The following BTG2 variants were observed in gnomAD, a reference collection of about 807,000 sequenced individuals.
The protein encoded by BTG2 is protein BTG2.
In BTG2, 9 loss-of-function variants were observed where a neutral mutation model predicts 13.1. That is an observed-to-expected ratio of 0.69 (90% CI 0.41 to 1.20). The LOEUF (loss-of-function observed/expected upper bound fraction) is 1.20. Ranked by LOEUF, BTG2 falls within the 50% of genes most tolerant of loss-of-function variation. The pLI, the probability that BTG2 is intolerant of heterozygous loss-of-function variation, is 0.00. For synonymous variants in BTG2, 92 were observed against 88.6 expected (o/e 1.04, Z -0.21); for missense variants, 200 against 209.5 (o/e 0.95, Z 0.28).
chr1:203,306,848 T>TCACA (rs56272333), intron 1 of BTG2, among the ~76,000 whole-genome samples: 2,644 of 131,450 alleles, frequency 0.02, 43 homozygotes, highest in African/African-American at 0.066. Flanking sequence ...ACACACTCAG[T>TCACA]CACACACACA....
chr1:203,305,939 C>G (rs1658251144), intron 1 of BTG2, among the ~76,000 whole-genome samples, 191 bp downstream of exon 1: 1 of 152,180 alleles, frequency 6.6e-6, no homozygotes, highest in African/African-American at 2.4e-5. Flanking sequence ...GTGCTCGGGT[C>G]TCGGCCGTGG....
Position 203,305,524 on chromosome 1 carries a change from C to A in BTG2, c.-83C>A. The A allele has an allele frequency of 6.7e-7, 1 of 1,483,276 alleles. No homozygotes were observed. Among genetic ancestry groups the A allele is most frequent in the South Asian group, 1.3e-5 (1 of 76,904 alleles). The allele number at this position is 1,483,276 out of a possible 1,614,324, so 91.9% of individuals were successfully genotyped here. A position where few individuals can be genotyped will look rare whatever the true frequency, so the allele number is the denominator to read the frequency against. Reference sequence around the variant, plus strand: ...TGCCCGGGGAAAGTCCGGGCAGAGCCCGAGCAGCGGCCAGGGTAACGCTGT... The same window carrying A: ...TGCCCGGGGAAAGTCCGGGCAGAGCACGAGCAGCGGCCAGGGTAACGCTGT... On this transcript the variant is annotated 5_prime_UTR_variant, in exon 1 of 2. Coordinates refer to ENST00000290551, the MANE Select transcript of BTG2 (RefSeq NM_006763.3).
Position 203,307,966 on chromosome 1 carries a change from A to G in BTG2, c.*528A>G, listed in dbSNP as rs1414087234. 1 of 152,642 alleles carries G rather than the reference A, an allele frequency of 6.6e-6. No homozygotes were observed. The highest frequency in any genetic ancestry group is 6.5e-5 in the Admixed American group (1 of 15,276). 9.5% of individuals were successfully genotyped at this position (152,642 alleles called of 1,614,324 possible). On this transcript the variant is annotated 3_prime_UTR_variant, in exon 2 of 2. Transcript: ENST00000290551. ...TGTTATCTTTTCTTTTATTTTTCTAATGAGGTCCTGGGCAGAGAGTGAAAA... is the reference window on the plus strand; with the variant it reads ...TGTTATCTTTTCTTTTATTTTTCTAGTGAGGTCCTGGGCAGAGAGTGAAAA...
In BTG2 at chr1:203,307,098, C is replaced by A; in HGVS notation, c.143-6C>A. 6.2e-7 allele frequency: 1 copy of A among 1,613,032 alleles called. No homozygotes were observed. The highest frequency in any genetic ancestry group is 8.5e-7 in the Non-Finnish European group (1 of 1,179,262). ...AGGGCATCTGCCCCTGGTCCTGTCTCCACAGAGCACTACAAACACCACTGG... is the reference window on the plus strand; with the variant it reads ...AGGGCATCTGCCCCTGGTCCTGTCTACACAGAGCACTACAAACACCACTGG... On this transcript the variant is annotated splice_region_variant and splice_polypyrimidine_tract_variant and intron_variant, in intron 1 of 1. Transcript: ENST00000290551.
chr1:203,307,076 G>A (rs759818691), intron 1 of BTG2, 28 bp from the exon 2 acceptor site: 3 of 1,597,578 alleles, frequency 1.9e-6, no homozygotes, highest in Non-Finnish European at 2.6e-6. Context: ...TCTAACCAGG[G>A]CATCTGCCCC....
rs1196394152 is a variant in BTG2 at position 203,309,030 on chromosome 1, C to G, written c.*1592C>G. 1 of 152,720 alleles carries G rather than the reference C, an allele frequency of 6.5e-6. No homozygotes were observed. The highest frequency in any genetic ancestry group is 1.5e-5 in the Non-Finnish European group (1 of 68,104). 9.5% of individuals were successfully genotyped at this position (152,720 alleles called of 1,614,324 possible). ...GAATCTTCACCCCACTTCCTCTACC[C>G]CCAGGTTCTCCTCCCCACAGCCAGT... On this transcript the variant is annotated 3_prime_UTR_variant, in exon 2 of 2. Transcript: ENST00000290551.
In BTG2 at chr1:203,308,937, C is replaced by G. The variant is rs1407016424; in HGVS notation, c.*1499C>G. The stretch of plus-strand genomic sequence containing the variant: ...ACCTCGAGTTTCCCAAACCGAATCA[C>G]CTTAAGAAGGACAGGGCTAGGGCAT... On this transcript the variant is annotated 3_prime_UTR_variant, in exon 2 of 2. Coordinates refer to ENST00000290551, the MANE Select transcript of BTG2 (RefSeq NM_006763.3). 6.6e-6 allele frequency: 1 copy of G among 152,668 alleles called. No homozygotes were observed. Among genetic ancestry groups the G allele is most frequent in the East Asian group, 1.9e-4 (1 of 5,198 alleles). 9.5% of individuals were successfully genotyped at this position (152,668 alleles called of 1,614,324 possible).
At position 203,307,143 on chromosome 1, in the gene BTG2, A is replaced by G. The variant is rs1467179062; in HGVS notation, c.182A>G (p.Lys61Arg). 3 of 1,614,084 alleles carry G rather than the reference A, an allele frequency of 1.9e-6. No homozygotes were observed. Among genetic ancestry groups the G allele is most frequent in the Non-Finnish European group, 1.7e-6 (2 of 1,180,032 alleles). Residue 61 changes from lysine (K) to arginine (R), a missense_variant, in exon 2 of 2, where the codon AAG (lysine) becomes AGG (arginine). By Grantham distance (26) the Lys-to-Arg change is conservative. Transcript: ENST00000290551. ...KHHWFPEKPS[K>R]GSGYRCIRIN... is the part of the protein sequence containing the mutation. ...CACTGGTTTCCCGAAAAGCCGTCCA[A>G]GGGCTCCGGCTACCGCTGCATTCGC...
chr1:203,306,651 G>A (rs1658281090), intron 1 of BTG2, among the ~76,000 whole-genome samples: 1 of 152,082 alleles, frequency 6.6e-6, no homozygotes, highest in Non-Finnish European at 1.5e-5. Context: ...CAGCCTTCCT[G>A]GCCCTGAAAC....
At position 203,305,719 on chromosome 1, in the gene BTG2, T is replaced by C. The variant is rs1293385534; in HGVS notation, c.113T>C (p.Phe38Ser). Reference protein sequence around the residue: ...GCVSEQRLKVFSGALQEALTE... With the variant: ...GCVSEQRLKVSSGALQEALTE... ...GTGAGCGAGCAGAGGCTTAAGGTCT[T>C]CAGCGGGGCGCTCCAGGAGGCACTC... The change falls in exon 1 of 2, where the codon TTC (phenylalanine) becomes TCC (serine). Residue 38 changes from phenylalanine to serine, a missense_variant. By Grantham distance (155) the Phe-to-Ser change is radical. Transcript: ENST00000290551. 1 of 1,551,428 alleles carries C rather than the reference T, an allele frequency of 6.4e-7. No individual in the cohort carries two copies.
intron 1 of BTG2, among the ~76,000 whole-genome samples, 154 bp downstream of exon 1, chr1:203,305,902 G>A (rs904601858): frequency 1.3e-5 from 2 of 152,286 alleles, no homozygotes; most frequent in African/African-American, 2.4e-5. Flanking sequence ...GCAGTCCCCA[G>A]TTTCCTGGGT....
chr1:203,307,251 C>A lies in BTG2; in HGVS notation c.290C>A (p.Pro97His). 2 of 1,614,240 alleles carry A rather than the reference C, an allele frequency of 1.2e-6. No individual in the cohort carries two copies. Among genetic ancestry groups the A allele is most frequent in the South Asian group, 2.2e-5 (2 of 91,092 alleles). ...LSQPQLHQLL[P>H]SELTLWVDPY... ...CAGCCCCAGCTGCACCAGCTGCTGC[C>A]CAGCGAGCTGACCCTGTGGGTGGAC... Residue 97 changes from proline to histidine, a missense_variant, in exon 2 of 2, where the codon CCC becomes CAC. Transcript: ENST00000290551.
intron 1 of BTG2, among the ~76,000 whole-genome samples, chr1:203,306,002 C>T (rs1658253252): frequency 6.6e-6 from 1 of 152,300 alleles, no homozygotes; most frequent in African/African-American, 2.4e-5. Flanking sequence ...GACCCTGGTC[C>T]TGGAGTGCCA....
chr1:203,306,101 G>A (rs887017183), intron 1 of BTG2, among the ~76,000 whole-genome samples: 1 of 152,234 alleles, frequency 6.6e-6, no homozygotes, highest in Admixed American at 6.5e-5. Context: ...GATGGATGTT[G>A]TTGCGGGCCG....
Position 203,307,518 on chromosome 1 carries a change from C to A in BTG2, c.*80C>A. 8.4e-7 allele frequency: 1 copy of A among 1,184,332 alleles called. No homozygotes were observed. The highest frequency in any genetic ancestry group is 1.2e-6 in the Non-Finnish European group (1 of 857,882). 73.4% of individuals were successfully genotyped at this position (1,184,332 alleles called of 1,614,324 possible). ...CCACCACATACCTCAACCTGGGGAA[C>A]TGTATTTTTAAATGAAGAGCTATTT... On this transcript the variant is annotated 3_prime_UTR_variant, in exon 2 of 2. Transcript: ENST00000290551.
At chr1:203,306,764 A>C (rs1658283037) in intron 1 of BTG2, among the ~76,000 whole-genome samples, 1 of 146,796 alleles carries the variant, frequency 6.8e-6, no homozygotes, top group African/African-American at 2.6e-5. Context: ...TGGCCACTAG[A>C]GAGTACCCTA....
chr1:203,306,874 A>ACT (rs1491339569), intron 1 of BTG2, among the ~76,000 whole-genome samples: 7 of 139,396 alleles, frequency 5.0e-5, no homozygotes, highest in Admixed American at 3.6e-4. Flanking sequence ...ACACACACAC[A>ACT]CTCTCTCACA....
chr1:203,309,120 C>T lies in BTG2; in HGVS notation c.*1682C>T, dbSNP rs1302980947. On this transcript the variant is annotated 3_prime_UTR_variant, in exon 2 of 2. Coordinates refer to ENST00000290551, the MANE Select transcript of BTG2 (RefSeq NM_006763.3). ...AAGGTGCTATTTACCAAACACTCTC[C>T]CTACCCATTCCTGCCAGCTCTGCCT... is the stretch of plus-strand genomic sequence containing the variant. The T allele has an allele frequency of 6.5e-6, 1 of 152,700 alleles. No homozygotes were observed. The highest frequency in any genetic ancestry group is 2.4e-5 in the African/African-American group (1 of 41,452). The allele number at this position is 152,700 out of a possible 1,614,324, so 9.5% of individuals were successfully genotyped here.
In BTG2 at chr1:203,307,224, G is replaced by T. The variant is rs1168447669; in HGVS notation, c.263G>T (p.Ser88Ile). 6.2e-7 allele frequency: 1 copy of T among 1,614,240 alleles called. No homozygotes were observed. The highest frequency in any genetic ancestry group is 8.5e-7 in the Non-Finnish European group (1 of 1,180,054). Residue 88 changes from serine (S) to isoleucine (I), a missense_variant, in exon 2 of 2, where the codon AGC becomes ATC. Coordinates refer to ENST00000290551, the MANE Select transcript of BTG2 (RefSeq NM_006763.3). ...ISRVASQIGLSQPQLHQLLPS... is the reference protein window; with the variant it reads ...ISRVASQIGLIQPQLHQLLPS... ...AGGGTGGCCAGCCAGATCGGACTCAGCCAGCCCCAGCTGCACCAGCTGCTG... is the reference window on the plus strand; with the variant it reads ...AGGGTGGCCAGCCAGATCGGACTCATCCAGCCCCAGCTGCACCAGCTGCTG...
Sources: gnomAD v4.1 joint callset for allele counts (sites outside exome capture counted in the v4.1 genomes callset) on GRCh38, gnomAD v4.1.1 for gene constraint, MANE v1.5 for transcripts, NCBI Gene and HGNC (gene_info 2026-07-23, HGNC 2026-07-21) for gene names.